DAB1: variants seen among roughly 807,000 people sequenced by gnomAD.
The protein encoded by DAB1 is DAB adaptor protein 1, also known as disabled homolog 1.
A neutral mutation model predicts 64.6 loss-of-function variants in DAB1; 15 were observed. The ratio of observed to expected loss-of-function variants is 0.23; its 90% CI spans 0.16 to 0.36. The LOEUF is 0.36. Among genes scored for constraint, DAB1 ranks in the 10% least tolerant of loss-of-function variants. The pLI is 1.00. For synonymous variants in DAB1, 235 were observed against 251.9 expected (o/e 0.93, Z 0.64); for missense variants, 596 against 706.7 (o/e 0.84, Z 1.78).
chr1:58,400,645 A>G lies in DAB1; in HGVS notation n.258-57242T>C, dbSNP rs563390339. 4.6e-5 allele frequency among the ~76,000 whole-genome samples: 7 copies of G among 152,354 alleles called. No homozygotes were observed. The South Asian group carries it at 1.5e-3, about 32-fold the overall frequency. ...GGGAAACTGTCAATTTTGCCAGGAA[A>G]ATCAAGGAGGAGAACTCTTAACCGT... On this transcript the variant is annotated intron_variant and non_coding_transcript_variant, in intron 3 of 20. Coordinates refer to the DAB1 transcript ENST00000485760.
At chr1:58,254,150 T>C (rs1286255361) in intron 4 of DAB1, among the ~76,000 whole-genome samples, 3 of 152,288 alleles carry the variant, frequency 2.0e-5, no homozygotes, top group African/African-American at 4.8e-5. Context: ...CAATAAGATA[T>C]TGACTCAGAT....
chr1:58,273,632 C>G (rs1421610826), intron 4 of DAB1, among the ~76,000 whole-genome samples: 1 of 48,922 alleles, frequency 2.0e-5, no homozygotes, highest in African/African-American at 6.6e-5. Context: ...TTCTCCCCAT[C>G]GCTTTCAGGT....
intron 3 of DAB1, among the ~76,000 whole-genome samples, chr1:58,347,882 C>T (rs185786923): frequency 6.6e-6 from 1 of 152,288 alleles, no homozygotes; most frequent in African/African-American, 2.4e-5. Context: ...CAACAGTCAG[C>T]CCCTCAAACC....
upstream of DAB1, among the ~76,000 whole-genome samples, chr1:57,426,776 T>G (rs548499422): frequency 5.3e-5 from 8 of 152,180 alleles, no homozygotes; most frequent in South Asian, 1.7e-3. Flanking sequence ...ACAAGTTACT[T>G]CTGTCTACGT....
intron 4 of DAB1, among the ~76,000 whole-genome samples, chr1:57,103,036 C>A (rs575546873): frequency 3.5e-4 from 54 of 152,282 alleles, no homozygotes; most frequent in African/African-American, 1.3e-3. Flanking sequence ...CCCACACGCT[C>A]AGGCCTTTCT....
At chr1:57,438,392 T>G (rs1185049125) in intron 7 of DAB1, among the ~76,000 whole-genome samples, 1 of 152,166 alleles carries the variant, frequency 6.6e-6, no homozygotes, top group East Asian at 1.9e-4. Context: ...AGATAGTGGT[T>G]TGTTTTTTTT....
At chr1:57,524,721 T>TC (rs1644570742) in intron 7 of DAB1, among the ~76,000 whole-genome samples, 1 of 152,152 alleles carries the variant, frequency 6.6e-6, no homozygotes, top group African/African-American at 2.4e-5. Flanking sequence ...CAGAAACAAA[T>TC]CACAATGGTG....
At chr1:57,764,440 C>T (rs72664651) in intron 6 of DAB1, among the ~76,000 whole-genome samples, 7,191 of 152,254 alleles carry the variant, frequency 0.047, 254 homozygotes, top group South Asian at 0.077. Flanking sequence ...GTTTGGAACA[C>T]TTGATATTCT....
intron 6 of DAB1, among the ~76,000 whole-genome samples, chr1:57,657,686 A>G (rs1444662723): frequency 6.6e-6 from 1 of 152,232 alleles, no homozygotes. Context: ...ACTTTAGAAT[A>G]TGGAGACCCT....
chr1:58,450,540 G>A (rs1397805203), intron 3 of DAB1, among the ~76,000 whole-genome samples: 1 of 152,174 alleles, frequency 6.6e-6, no homozygotes, highest in East Asian at 1.9e-4. Context: ...GGATCACAAG[G>A]TCAGGTGATC....
At chr1:58,262,311 T>C (rs1230716271) in intron 4 of DAB1, among the ~76,000 whole-genome samples, 1 of 152,172 alleles carries the variant, frequency 6.6e-6, no homozygotes, top group Non-Finnish European at 1.5e-5. Flanking sequence ...GGGCCATCAG[T>C]GTCCTGTGTT....
Position 57,973,169 on chromosome 1 carries a change from G to A in DAB1, n.388-89007C>T, listed in dbSNP as rs190944782. 9.2e-4 allele frequency among the ~76,000 whole-genome samples: 140 copies of A among 152,286 alleles called. 1 individual carries two copies. The highest frequency in any genetic ancestry group is 2.1e-4 in the South Asian group (1 of 4,826). ...GACACATAGATATTTACACAAAGAG[G>A]AGGTGATGTGAAGACAGGGCAGAAA... On this transcript the variant is annotated intron_variant and non_coding_transcript_variant, in intron 5 of 20. Coordinates refer to the DAB1 transcript ENST00000485760.
intron 13 of DAB1, 61 bp from the exon 14 acceptor site, chr1:57,010,851 A>T: frequency 8.0e-7 from 1 of 1,243,600 alleles, no homozygotes; most frequent in Non-Finnish European, 1.1e-6. Flanking sequence ...AAAATATAAG[A>T]CACCTGGATA....
chr1:58,274,876 C>T (rs1057137127), intron 4 of DAB1, among the ~76,000 whole-genome samples: 11 of 151,904 alleles, frequency 7.2e-5, no homozygotes, highest in South Asian at 2.1e-4. Flanking sequence ...GCGCACGGTG[C>T]GCGCACCCAC....
chr1:57,806,729 A>G (rs1651380449), intron 6 of DAB1, among the ~76,000 whole-genome samples: 1 of 152,216 alleles, frequency 6.6e-6, no homozygotes, highest in Non-Finnish European at 1.5e-5. Flanking sequence ...CCCAGTCGCC[A>G]CATAGCATAT....
At chr1:58,327,929 A>G (rs1019865604) in intron 4 of DAB1, among the ~76,000 whole-genome samples, 1 of 152,218 alleles carries the variant, frequency 6.6e-6, no homozygotes, top group African/African-American at 2.4e-5. Context: ...TCAAGGAAAG[A>G]TTGACATCTC....
At position 57,798,782 on chromosome 1, in the gene DAB1, T is replaced by C. The variant is rs550922260; in HGVS notation, n.551+85217A>G. On this transcript the variant is annotated intron_variant and non_coding_transcript_variant, in intron 6 of 20. Coordinates refer to the DAB1 transcript ENST00000485760. ...ATGTCTGGGCTCACTTTCAAGGCTG[T>C]CTGTGTGGATTTTGCAATTGTAAAT... Among the ~76,000 whole-genome samples the C allele has an allele frequency of 2.6e-3, 390 of 152,306 alleles. 2 individuals are homozygous for C. Among genetic ancestry groups the C allele is most frequent in the African/African-American group, 9.1e-3 (380 of 41,560 alleles).
chr1:58,375,996 G>A (rs1432045338), intron 3 of DAB1, among the ~76,000 whole-genome samples: 2 of 149,924 alleles, frequency 1.3e-5, no homozygotes, highest in African/African-American at 4.9e-5. Context: ...TTCTCTGATG[G>A]TAGTTTGTAT....
chr1:57,511,565 C>T (rs887026743), intron 7 of DAB1, among the ~76,000 whole-genome samples: 1 of 152,114 alleles, frequency 6.6e-6, no homozygotes, highest in African/African-American at 2.4e-5. Context: ...ATAATTGCAA[C>T]CAATTTTCTT....
Sources: allele counts gnomAD v4.1 joint callset (sites outside exome capture counted in the v4.1 genomes callset), GRCh38; gene constraint gnomAD v4.1.1; transcripts MANE v1.5; gene names NCBI Gene and HGNC (gene_info 2026-07-23, HGNC 2026-07-21).